Variants in DGKH observed in about 807,000 individuals in gnomAD.
DGKH encodes DAG kinase eta.
In DGKH, 90 loss-of-function variants were observed where a neutral mutation model predicts 159.3. The observed-to-expected ratio is 0.57, with a 90% CI of 0.48 to 0.67. The LOEUF is 0.67. Ranked by LOEUF, DGKH falls within the 30% of genes least tolerant of loss-of-function variation. DGKH has a pLI of 0.00. For synonymous variants in DGKH, 536 were observed against 553.8 expected (o/e 0.97, Z 0.45); for missense variants, 1,181 against 1,506.1 (o/e 0.78, Z 3.57).
intron 1 of DGKH, among the ~76,000 whole-genome samples, chr13:42,041,504 C>T (rs1404236481): frequency 6.6e-6 from 1 of 152,208 alleles, no homozygotes; most frequent in African/African-American, 2.4e-5. Context: ...TTTCGCTGCA[C>T]ACGCAACGCG....
intron 25 of DGKH, 100 bp downstream of exon 25, chr13:42,214,712 A>T (rs1957745673): frequency 2.7e-6 from 3 of 1,114,514 alleles, no homozygotes; most frequent in South Asian, 3.8e-5. Flanking sequence ...ACAGAAAGTT[A>T]TGTTGTCTAT....
intron 9 of DGKH, among the ~76,000 whole-genome samples, chr13:42,167,232 G>T (rs1460858347): frequency 1.3e-5 from 2 of 152,006 alleles, no homozygotes; most frequent in Non-Finnish European, 2.9e-5. Context: ...ATACCTTTTG[G>T]CACTTTCAAT....
intron 13 of DGKH, among the ~76,000 whole-genome samples, chr13:42,185,654 G>T (rs1214620529): frequency 6.6e-6 from 1 of 152,048 alleles, no homozygotes; most frequent in Admixed American, 6.6e-5. Context: ...TTAAAGTAGC[G>T]CATTTTACAG....
chr13:42,256,400 A>C, exon 31 of DGKH: 3 of 1,581,448 alleles, frequency 1.9e-6, no homozygotes, highest in Admixed American at 3.3e-5. Flanking sequence ...AGCGTATGAC[A>C]AGGCAGCAAA....
intron 1 of DGKH, chr13:42,068,822 C>T: frequency 2.1e-6 from 1 of 484,062 alleles, no homozygotes; most frequent in Non-Finnish European, 3.5e-6. Context: ...CTCATAAAAT[C>T]CTTACTAAAT....
At chr13:42,175,339 T>G (rs1441894226) in intron 12 of DGKH, among the ~76,000 whole-genome samples, 1 of 152,208 alleles carries the variant, frequency 6.6e-6, no homozygotes, top group Non-Finnish European at 1.5e-5. Flanking sequence ...TAAAATCACC[T>G]GTAGTCCTAC....
At chr13:42,132,653 A>G (rs551478902) in intron 3 of DGKH, among the ~76,000 whole-genome samples, 42 of 152,248 alleles carry the variant, frequency 2.8e-4, no homozygotes, top group African/African-American at 9.6e-4. Context: ...TGTAATCCCA[A>G]CACTTTGAGA....
chr13:42,256,137 C>T, intron 30 of DGKH: 2 of 1,174,990 alleles, frequency 1.7e-6, no homozygotes, highest in South Asian at 1.2e-5. Context: ...CAGTGTGAAG[C>T]AATGACCATG....
rs374062080 is a variant in DGKH at position 42,187,157 on chromosome 13, G to A, written c.1638+9G>A. 25 of 1,607,082 alleles carry A rather than the reference G, an allele frequency of 1.6e-5. No individual in the cohort carries two copies. The African/African-American group carries it at 3.3e-4, about 22-fold the overall frequency. The stretch of plus-strand genomic sequence containing the variant: ...ATGCCGTGGCCAGTAAAGTAAGAGG[G>A]GACTCTTCAGGGCATGAGAGTTGTT... On this transcript the variant is annotated intron_variant, in intron 14 of 29. Transcript: ENST00000337343.
At chr13:42,225,451 G>C in intron 29 of DGKH, 1 of 960,124 alleles carries the variant, frequency 1.0e-6, no homozygotes, top group Non-Finnish European at 1.5e-6. Context: ...AATTTGGACT[G>C]TTTATCCAGG....
chr13:42,228,722 A>C (rs961094772), intron 29 of DGKH, among the ~76,000 whole-genome samples: 1 of 151,650 alleles, frequency 6.6e-6, no homozygotes, highest in Non-Finnish European at 1.5e-5. Context: ...AAAGAAAGAA[A>C]AGAAAGAAAG....
At chr13:42,162,162 C>T (rs974778822) in intron 7 of DGKH, among the ~76,000 whole-genome samples, 2 of 152,180 alleles carry the variant, frequency 1.3e-5, no homozygotes, top group African/African-American at 4.8e-5. Flanking sequence ...CTCTCTTAGT[C>T]TTGCACTTCC....
At chr13:42,175,016 CGGTGT>C (rs1238437907) in intron 12 of DGKH, among the ~76,000 whole-genome samples, 11 of 152,292 alleles carry the variant, frequency 7.2e-5, no homozygotes, top group African/African-American at 2.6e-4. Flanking sequence ...AACCTCAAAG[CGGTGT>C]AGATTTAAAA....
In DGKH at chr13:42,189,303, G is replaced by A. The variant is rs182461934; in HGVS notation, c.1906G>A (p.Gly636Arg). 44 of 1,614,046 alleles carry A rather than the reference G, an allele frequency of 2.7e-5. No homozygotes were observed. In the East Asian group the frequency reaches 4.9e-4, roughly 18 times the overall value. Residue 636 changes from glycine to arginine, a missense_variant, in exon 15 of 30, where the codon GGA becomes AGA. Gly to Arg is a moderately radical substitution (Grantham distance 125). Around this residue, in one of 5 missense-constraint regions of DGKH, gnomAD observed 257 missense variants for 281.5 expected, o/e 0.91. Transcript: ENST00000337343. ...AGTGAGGCAAGTCATTGAGGAAGCC[G>A]GAAAAGGTACACATTAACAAATTTA... Reference protein sequence around the residue: ...KAVRQVIEEAGKVMDDPTVHP... With the variant: ...KAVRQVIEEARKVMDDPTVHP...
chr13:42,091,541 G>A (rs1954418917), intron 1 of DGKH, among the ~76,000 whole-genome samples: 1 of 152,108 alleles, frequency 6.6e-6, no homozygotes. Context: ...AAATCATTTT[G>A]TGTAAGGCAC....
In DGKH at chr13:42,229,122, T is replaced by A; in HGVS notation, c.3597T>A (p.Gly1199=). 1 of 1,611,442 alleles carries A rather than the reference T, an allele frequency of 6.2e-7. No homozygotes were observed. Among genetic ancestry groups the A allele is most frequent in the Non-Finnish European group, 8.5e-7 (1 of 1,179,268 alleles). ...AGGATCTGGGGATACCGAAAGTGGG[T>A]CATGTGAAGCGAATTCTCCAGGGAA... is the stretch of plus-strand genomic sequence containing the variant. ...DLKDLGIPKV[G]HVKRILQGIK... is the part of the protein sequence containing the mutation. The change falls in exon 30 of 30, where the codon GGT becomes GGA. Residue 1199 remains glycine, a synonymous_variant. Transcript: ENST00000337343.
chr13:42,194,114 T>G (rs1465004113), intron 16 of DGKH, among the ~76,000 whole-genome samples: 1 of 152,220 alleles, frequency 6.6e-6, no homozygotes, highest in East Asian at 1.9e-4. Context: ...TTCATTTCAC[T>G]TGAAGATGGA....
chr13:42,219,866 T>A, intron 28 of DGKH, 72 bp downstream of exon 28: 1 of 1,411,750 alleles, frequency 7.1e-7, no homozygotes. Flanking sequence ...ATCATGGAGG[T>A]CGTGAAAATG....
At chr13:42,053,494 G>T (rs1881492293) in intron 1 of DGKH, among the ~76,000 whole-genome samples, 1 of 142,230 alleles carries the variant, frequency 7.0e-6, no homozygotes. Flanking sequence ...ATAACTATAT[G>T]TATAGAACTG....
Sources: allele counts gnomAD v4.1 joint callset (sites outside exome capture counted in the v4.1 genomes callset), GRCh38; gene constraint gnomAD v4.1.1; regional missense constraint gnomAD v4.1.1; transcripts MANE v1.5; gene names NCBI Gene and HGNC (gene_info 2026-07-23, HGNC 2026-07-21).